LRP1B: variants seen among roughly 807,000 people sequenced by gnomAD.
LRP1B encodes the protein low-density lipoprotein receptor-related protein 1B.
Under a neutral mutation model 556.6 loss-of-function variants are expected in LRP1B, and 217 were observed. The ratio of observed to expected loss-of-function variants is 0.39; its 90% confidence interval spans 0.35 to 0.44. The LOEUF (loss-of-function observed/expected upper bound fraction) is 0.44. Among genes scored for constraint, LRP1B ranks in the 20% least tolerant of loss-of-function variants. The probability of loss-of-function intolerance (pLI) is 1.00; values close to 1 mark genes in which losing one functional copy is unlikely to be tolerated. For missense variants in LRP1B, 5,053 were observed against 5,620.8 expected (o/e 0.90, Z 3.23); for synonymous variants, 2,047 against 1,865.8 (o/e 1.10, Z -2.50).
intron 11 of LRP1B, among the ~76,000 whole-genome samples, chr2:141,030,307 C>T (rs1406938688): frequency 2.0e-5 from 3 of 152,004 alleles, no homozygotes; most frequent in African/African-American, 7.2e-5. Flanking sequence ...CACTGACAAA[C>T]ATTTTGAAAA....
chr2:140,550,131 T>C (rs1275182362), intron 43 of LRP1B, among the ~76,000 whole-genome samples: 3 of 152,104 alleles, frequency 2.0e-5, no homozygotes, highest in Non-Finnish European at 4.4e-5. Flanking sequence ...GCCTTTGCAC[T>C]GCACCTGCTC....
At chr2:140,526,657 T>C (rs2104971520) in intron 47 of LRP1B, among the ~76,000 whole-genome samples, 1 of 146,560 alleles carries the variant, frequency 6.8e-6, no homozygotes, top group African/African-American at 2.5e-5. Flanking sequence ...CATGCTGTGT[T>C]GATATCATAT....
chr2:141,803,106 C>G (rs1165751351), intron 2 of LRP1B, among the ~76,000 whole-genome samples: 1 of 151,752 alleles, frequency 6.6e-6, no homozygotes, highest in African/African-American at 2.4e-5. Flanking sequence ...GGTCTTGGAT[C>G]AGGAGACCGA....
intron 66 of LRP1B, among the ~76,000 whole-genome samples, chr2:140,401,926 A>G (rs551643939): frequency 2.6e-5 from 4 of 152,338 alleles, no homozygotes; most frequent in Admixed American, 2.0e-4. Flanking sequence ...TGAGAAAGAC[A>G]GCACACTATC....
chr2:140,851,039 T>C (rs116379219), intron 28 of LRP1B, among the ~76,000 whole-genome samples: 2 of 152,102 alleles, frequency 1.3e-5, no homozygotes, highest in Non-Finnish European at 2.9e-5. Flanking sequence ...TAAATTTTGG[T>C]GAGTACTTTT....
chr2:142,123,411 G>C (rs1027285324), intron 1 of LRP1B, among the ~76,000 whole-genome samples: 1 of 151,960 alleles, frequency 6.6e-6, no homozygotes. Flanking sequence ...CCTATTGATT[G>C]CAAGAATAAA....
chr2:141,979,995 G>A (rs975456506), intron 1 of LRP1B, among the ~76,000 whole-genome samples: 8 of 152,056 alleles, frequency 5.3e-5, no homozygotes, highest in Non-Finnish European at 7.4e-5. Context: ...AATGATAAAC[G>A]GAGAACCTCT....
At position 142,042,202 on chromosome 2, in the gene LRP1B, C is replaced by T. The variant is rs1398400432; in HGVS notation, c.82+88446G>A. 2.6e-5 allele frequency among the ~76,000 whole-genome samples: 4 copies of T among 151,214 alleles called. No individual in the cohort carries two copies. The East Asian group carries it at 5.9e-4, about 22-fold the overall frequency. On this transcript the variant is annotated intron_variant, in intron 1 of 90. Coordinates refer to ENST00000389484, the MANE Select transcript of LRP1B (RefSeq NM_018557.3). Reference sequence around the variant, plus strand: ...ATAACCCTGGCCTGCTGATAATAAGCCTTACTTGGCAGTAATCTACATTCA... The same window carrying T: ...ATAACCCTGGCCTGCTGATAATAAGTCTTACTTGGCAGTAATCTACATTCA...
At chr2:140,606,014 G>C (rs1176097023) in intron 41 of LRP1B, among the ~76,000 whole-genome samples, 1 of 151,808 alleles carries the variant, frequency 6.6e-6, no homozygotes, top group African/African-American at 2.4e-5. Context: ...AGGGTAATTG[G>C]GGGTGGGGTA....
Position 140,994,112 on chromosome 2 carries a change from G to A in LRP1B, c.2527C>T (p.His843Tyr), listed in dbSNP as rs867771774. Residue 843 changes from histidine to tyrosine, a missense_variant, in exon 16 of 91, where the codon CAC (histidine) becomes TAC (tyrosine). His to Tyr is a moderately conservative substitution (Grantham distance 83). Around this residue, in one of 5 missense-constraint regions of LRP1B, gnomAD observed 3,619 missense variants for 3,931.9 expected, o/e 0.92. Transcript: ENST00000389484. The stretch of plus-strand genomic sequence containing the variant: ...CGAAACTCTCCAGCTTTACATATGT[G>A]AGGTAGTGCTTCTCCAGGATTAACT... ...CTFNPGEALP[H>Y]ICKAGEFRCK... 1 of 1,612,452 alleles carries A rather than the reference G, an allele frequency of 6.2e-7. No homozygotes were observed. The highest frequency in any genetic ancestry group is 8.5e-7 in the Non-Finnish European group (1 of 1,178,982).
At chr2:141,031,817 C>T (rs556820043) in intron 11 of LRP1B, among the ~76,000 whole-genome samples, 3 of 151,718 alleles carry the variant, frequency 2.0e-5, no homozygotes, top group Non-Finnish European at 2.9e-5. Flanking sequence ...TAAAACAACA[C>T]CCATTTAGAA....
intron 2 of LRP1B, among the ~76,000 whole-genome samples, chr2:141,759,011 T>C (rs1694425838): frequency 6.6e-6 from 1 of 151,906 alleles, no homozygotes; most frequent in Non-Finnish European, 1.5e-5. Flanking sequence ...AACACGTTGA[T>C]AAAAATAAAA....
chr2:140,313,266 ATAT>A (rs1382294522), intron 83 of LRP1B, among the ~76,000 whole-genome samples: 1 of 151,968 alleles, frequency 6.6e-6, no homozygotes, highest in African/African-American at 2.4e-5. Context: ...GAACTAATTT[ATAT>A]TATTTAAAAA....
At chr2:141,964,442 A>G (rs1033971870) in intron 1 of LRP1B, among the ~76,000 whole-genome samples, 2 of 148,974 alleles carry the variant, frequency 1.3e-5, no homozygotes, top group African/African-American at 4.9e-5. Context: ...ATAATGCCGC[A>G]TACCTACAAC....
chr2:141,208,876 C>CAAAAAAAAAAAAA (rs57659094), intron 6 of LRP1B, among the ~76,000 whole-genome samples: 1 of 65,486 alleles, frequency 1.5e-5, no homozygotes, highest in Non-Finnish European at 2.8e-5. Flanking sequence ...GATTCCGTCT[C>CAAAAAAAAAAAAA]AAAAAAAAAA....
At chr2:141,828,135 T>C (rs1696997099) in intron 1 of LRP1B, among the ~76,000 whole-genome samples, 1 of 142,340 alleles carries the variant, frequency 7.0e-6, no homozygotes, top group Non-Finnish European at 1.5e-5. Context: ...ATCTAATTCA[T>C]TATATGCATT....
intron 7 of LRP1B, among the ~76,000 whole-genome samples, chr2:141,103,732 CCTT>C (rs1558862974): frequency 6.6e-6 from 1 of 150,578 alleles, no homozygotes; most frequent in Non-Finnish European, 1.5e-5. Flanking sequence ...GAAGAAACCC[CCTT>C]TTTTAATAAA....
intron 83 of LRP1B, among the ~76,000 whole-genome samples, chr2:140,301,257 A>G (rs930711795): frequency 6.6e-6 from 1 of 152,088 alleles, no homozygotes; most frequent in African/African-American, 2.4e-5. Flanking sequence ...AATATCTGCC[A>G]AGTCCATCTA....
intron 2 of LRP1B, among the ~76,000 whole-genome samples, chr2:141,641,256 A>G (rs535150528): frequency 3.4e-4 from 52 of 152,310 alleles, no homozygotes; most frequent in African/African-American, 1.2e-3. Flanking sequence ...GCATCATTAA[A>G]TGTATTTACT....
Sources: gnomAD v4.1 joint callset for allele counts (sites outside exome capture counted in the v4.1 genomes callset) on GRCh38, gnomAD v4.1.1 for gene constraint, gnomAD v4.1.1 regional missense constraint, MANE v1.5 for transcripts, NCBI Gene and HGNC (gene_info 2026-07-23, HGNC 2026-07-21) for gene names.